The following MTG2 variants were observed in gnomAD, a reference collection of about 807,000 sequenced individuals.
The protein encoded by MTG2 is mitochondrial ribosome associated GTPase 2.
MTG2 carries 23 observed loss-of-function variants against 28.6 expected under a neutral mutation model. That is an observed-to-expected ratio of 0.80 (90% CI 0.58 to 1.14). MTG2 has a LOEUF of 1.14. Ranked by LOEUF, MTG2 falls within the 50% of genes most tolerant of loss-of-function variation. The pLI is 0.00. For synonymous variants in MTG2, 260 were observed against 251.8 expected, an observed-to-expected ratio of 1.03 and a Z score of -0.31; for missense variants, 539 against 552.0, an observed-to-expected ratio of 0.98 and a Z score of 0.24.
At chr20:62,189,209 G>A (rs964223093) in intron 1 of MTG2, among the ~76,000 whole-genome samples, 1 of 151,988 alleles carries the variant, frequency 6.6e-6, no homozygotes, top group African/African-American at 2.4e-5. Context: ...GGAGGCTGAG[G>A]CAGGAGGATC....
chr20:62,193,620 A>AGGG lies in MTG2; in HGVS notation c.201_202insGGG (p.Lys67_Leu68insGly). ...GGGAAGAAGCTGCTCTCTGAGAAAA[A>AGGG]GCTGGTGAGACTCCTGGAGTTAGAG... On this transcript the variant is annotated inframe_insertion, in exon 2 of 7. Coordinates refer to ENST00000370823, the MANE Select transcript of MTG2 (RefSeq NM_015666.4). 6.2e-7 allele frequency: 1 copy of AGGG among 1,609,870 alleles called. No homozygotes were observed. The highest frequency in any genetic ancestry group is 1.3e-5 in the African/African-American group (1 of 74,988).
At chr20:62,190,744 G>T (rs974178463) in intron 1 of MTG2, among the ~76,000 whole-genome samples, 1 of 152,256 alleles carries the variant, frequency 6.6e-6, no homozygotes, top group Non-Finnish European at 1.5e-5. Flanking sequence ...TAGTAGCGGT[G>T]CAGCGGCGGC....
intron 1 of MTG2, among the ~76,000 whole-genome samples, chr20:62,187,839 T>C (rs1000770872): frequency 1.3e-5 from 2 of 152,208 alleles, no homozygotes; most frequent in Non-Finnish European, 2.9e-5. Flanking sequence ...TTCTCCTCCT[T>C]CTACTCGACG....
rs150565894 is a variant in MTG2 at position 62,202,438 on chromosome 20, AAAAC to A, written c.*1381_*1384del. 0.081 allele frequency: 12,617 copies of A among 155,620 alleles called. 641 individuals are homozygous for A. The highest frequency in any genetic ancestry group is 0.15 in the Admixed American group (2,314 of 15,398). 9.6% of individuals were successfully genotyped at this position (155,620 alleles called of 1,614,324 possible). On this transcript the variant is annotated 3_prime_UTR_variant, in exon 7 of 7. Transcript: ENST00000370823. ...GTGACAGAGCGAGACCCTGTCTCAAAAAACAAACAAACAAACAAACAAAAACAGA... is the reference window on the plus strand; with the variant it reads ...GTGACAGAGCGAGACCCTGTCTCAAAAAACAAACAAACAAACAAAAACAGA...
At position 62,198,813 on chromosome 20, in the gene MTG2, T is replaced by C; in HGVS notation, c.648T>C (p.Val216=). 6.2e-7 allele frequency: 1 copy of C among 1,614,118 alleles called. No homozygotes were observed. The highest frequency in any genetic ancestry group is 8.5e-7 in the Non-Finnish European group (1 of 1,180,030). The part of the protein sequence containing the change: ...CTPGQPGQQR[V]LHLELKTVAH... ...CTGGACAGCCAGGACAGCAGCGAGT[T>C]CTCCACCTGGAGCTCAAGACGGTGG... Residue 216 remains valine (V), a synonymous_variant, in exon 5 of 7, where the codon GTT becomes GTC. Coordinates refer to ENST00000370823, the MANE Select transcript of MTG2 (RefSeq NM_015666.4).
intron 1 of MTG2, among the ~76,000 whole-genome samples, chr20:62,186,654 G>A (rs1353209969): frequency 3.3e-5 from 5 of 150,468 alleles, no homozygotes; most frequent in African/African-American, 7.3e-5. Context: ...TCAGCCTCCC[G>A]AGTAGCCGGG....
chr20:62,185,051 A>G (rs1286549365), intron 1 of MTG2, among the ~76,000 whole-genome samples: 2 of 152,102 alleles, frequency 1.3e-5, no homozygotes, highest in East Asian at 1.9e-4. Context: ...CGGAGGTTAC[A>G]GTGAGCCAAG....
At chr20:62,184,186 A>G (rs943680128) in intron 1 of MTG2, among the ~76,000 whole-genome samples, 18 of 152,216 alleles carry the variant, frequency 1.2e-4, no homozygotes, top group Admixed American at 2.6e-4. Flanking sequence ...GTGAAACCCC[A>G]TCTCTACTAA....
intron 2 of MTG2, chr20:62,193,964 G>A: frequency 4.8e-6 from 1 of 210,446 alleles, no homozygotes. Flanking sequence ...CGGAGGCTGG[G>A]CACGGTGGCT....
rs1201790842 is a variant in MTG2, at chr20:62,197,832, G to A, written c.353-20G>A. ...GGTTGTCGTAACACAAAGGGACTGAGATTCTTGTTCTTGCTTTAGTTGACC... is the reference window on the plus strand; with the variant it reads ...GGTTGTCGTAACACAAAGGGACTGAAATTCTTGTTCTTGCTTTAGTTGACC... On this transcript the variant is annotated intron_variant, in intron 3 of 6. Coordinates refer to ENST00000370823, the MANE Select transcript of MTG2 (RefSeq NM_015666.4). The A allele has an allele frequency of 2.5e-6, 4 of 1,609,640 alleles. No homozygotes were observed. Among genetic ancestry groups the A allele is most frequent in the Non-Finnish European group, 3.4e-6 (4 of 1,175,924 alleles).
chr20:62,200,611 T>C, intron 6 of MTG2, 72 bp from the exon 7 acceptor site: 1 of 1,499,764 alleles, frequency 6.7e-7, no homozygotes, highest in Non-Finnish European at 8.9e-7. Flanking sequence ...TCTCCCAGGC[T>C]CGAGGTGGAA....
chr20:62,185,500 GGT>G (rs2057824927), intron 1 of MTG2, among the ~76,000 whole-genome samples: 1 of 152,124 alleles, frequency 6.6e-6, no homozygotes, highest in Non-Finnish European at 1.5e-5. Flanking sequence ...AGCTGAGCGT[GGT>G]GATGGGTGCC....
chr20:62,189,116 C>T (rs2057905030), intron 1 of MTG2, among the ~76,000 whole-genome samples: 1 of 152,022 alleles, frequency 6.6e-6, no homozygotes, highest in Admixed American at 6.6e-5. Flanking sequence ...TGAGACCAGC[C>T]TGGGTAACTG....
In MTG2 at chr20:62,200,740, C is replaced by T. The variant is rs761967865; in HGVS notation, c.884C>T (p.Ala295Val). ...CACCAGAACAGGGGTCTGGGGTCCG[C>T]CTTCCTCAGGCACATCGAGCGCTGC... ...GAHQNRGLGSAFLRHIERCRF... is the reference protein window; with the variant it reads ...GAHQNRGLGSVFLRHIERCRF... Residue 295 changes from alanine (A) to valine (V), a missense_variant, in exon 7 of 7, where the codon GCC becomes GTC. Coordinates refer to ENST00000370823, the MANE Select transcript of MTG2 (RefSeq NM_015666.4). 24 of 1,613,372 alleles carry T rather than the reference C, an allele frequency of 1.5e-5. No individual in the cohort carries two copies. In the Admixed American group the frequency reaches 4.0e-4, roughly 27 times the overall value.
chr20:62,199,420 C>T (rs1290444517), intron 6 of MTG2, 163 bp downstream of exon 6: 51 of 773,326 alleles, frequency 6.6e-5, no homozygotes, highest in African/African-American at 1.2e-4. Context: ...CCGAGGCAGG[C>T]GGATCACGAG....
intron 1 of MTG2, among the ~76,000 whole-genome samples, chr20:62,184,140 C>CTT (rs1282407041): frequency 1.3e-5 from 2 of 152,128 alleles, no homozygotes; most frequent in Non-Finnish European, 2.9e-5. Flanking sequence ...GGGCAGATCA[C>CTT]GAGGTCAGGA....
At chr20:62,188,508 A>ATTTTTTTTTTT (rs1192106476) in intron 1 of MTG2, among the ~76,000 whole-genome samples, 3 of 89,726 alleles carry the variant, frequency 3.3e-5, no homozygotes, top group East Asian at 3.0e-4. Context: ...TAATCAGCTA[A>ATTTTTTTTTTT]TTTTTTTTTT....
At chr20:62,185,887 T>G (rs547649491) in intron 1 of MTG2, among the ~76,000 whole-genome samples, 3 of 152,240 alleles carry the variant, frequency 2.0e-5, no homozygotes, top group African/African-American at 7.2e-5. Flanking sequence ...GATTTGTTCA[T>G]CCGGCAGGGG....
intron 6 of MTG2, 75 bp from the exon 7 acceptor site, chr20:62,200,608 G>C: frequency 6.7e-7 from 1 of 1,496,374 alleles, no homozygotes; most frequent in Non-Finnish European, 8.9e-7. Context: ...TTCTCTCCCA[G>C]GCTCGAGGTG....
Sources: gnomAD v4.1 joint callset for allele counts (sites outside exome capture counted in the v4.1 genomes callset) on GRCh38, gnomAD v4.1.1 for gene constraint, MANE v1.5 for transcripts, NCBI Gene and HGNC (gene_info 2026-07-23, HGNC 2026-07-21) for gene names.